Variants in TSPAN18 observed in about 807,000 individuals in gnomAD.
TSPAN18 encodes the protein tetraspanin 18.
TSPAN18 carries 14 observed loss-of-function variants against 27.3 expected under a neutral mutation model. The observed-to-expected ratio is 0.51, with a 90% CI of 0.34 to 0.80. The LOEUF is 0.80. TSPAN18 is among the 30% of genes least tolerant of loss of function. The pLI is 0.01. For synonymous variants in TSPAN18, 143 were observed against 136.5 expected, an observed-to-expected ratio of 1.05 and a Z score of -0.33; for missense variants, 268 against 323.9, an observed-to-expected ratio of 0.83 and a Z score of 1.32.
chr11:44,932,289 C>T lies in TSPAN18; in HGVS notation c.*3111C>T, dbSNP rs1860608885. The T allele has an allele frequency of 6.6e-6, 1 of 152,038 alleles. No individual in the cohort carries two copies. Among genetic ancestry groups the T allele is most frequent in the Non-Finnish European group, 1.5e-5 (1 of 68,006 alleles). 9.4% of individuals were successfully genotyped at this position (152,038 alleles called of 1,614,324 possible). On this transcript the variant is annotated 3_prime_UTR_variant, in exon 10 of 10. Transcript: ENST00000520358. ...TTATCACGTTTCTCTCCTGTGAGACCCCCCTTTTATATGATATATCCAGAG... is the reference window on the plus strand; with the variant it reads ...TTATCACGTTTCTCTCCTGTGAGACTCCCCTTTTATATGATATATCCAGAG...
intron 2 of TSPAN18, among the ~76,000 whole-genome samples, chr11:44,854,941 A>C (rs560533614): frequency 1.2e-4 from 18 of 152,352 alleles, no homozygotes; most frequent in Non-Finnish European, 2.2e-4. Context: ...TTAGTGAGTA[A>C]ACAATTGGAA....
chr11:44,910,814 C>T (rs1029308181), intron 5 of TSPAN18, among the ~76,000 whole-genome samples: 3 of 152,190 alleles, frequency 2.0e-5, no homozygotes, highest in African/African-American at 4.8e-5. Flanking sequence ...GGCAGCCGAG[C>T]CGTGCGGATG....
In TSPAN18 at chr11:44,920,086, G is replaced by A. The variant is rs748439626; in HGVS notation, c.615+87G>A. On this transcript the variant is annotated intron_variant, in intron 8 of 9. Transcript: ENST00000520358. ...GGTGGGAGGCGCTATCACCCCAGAGGGTCTGAAGCTACCCCAGGAATCCCA... is the reference window on the plus strand; with the variant it reads ...GGTGGGAGGCGCTATCACCCCAGAGAGTCTGAAGCTACCCCAGGAATCCCA... 1.9e-5 allele frequency: 25 copies of A among 1,332,936 alleles called. No individual in the cohort carries two copies. The Admixed American group carries it at 2.7e-4, about 15-fold the overall frequency. 82.6% of individuals were successfully genotyped at this position (1,332,936 alleles called of 1,614,324 possible).
chr11:44,926,880 T>A, intron 9 of TSPAN18, 123 bp downstream of exon 9: 1 of 963,580 alleles, frequency 1.0e-6, no homozygotes, highest in Non-Finnish European at 1.6e-6. Context: ...GCCCCCACTG[T>A]GGGTGCTATG....
intron 2 of TSPAN18, among the ~76,000 whole-genome samples, chr11:44,837,859 A>G (rs1056884303): frequency 6.6e-6 from 1 of 152,264 alleles, no homozygotes; most frequent in African/African-American, 2.4e-5. Flanking sequence ...AAACAATGCT[A>G]TTGCACACTT....
chr11:44,834,277 C>T (rs910686892), intron 2 of TSPAN18, among the ~76,000 whole-genome samples: 2 of 152,088 alleles, frequency 1.3e-5, no homozygotes, highest in African/African-American at 4.8e-5. Context: ...CTGCCAGTTC[C>T]TTTCGGCCCC....
At chr11:44,864,491 C>T (rs542191491) in intron 3 of TSPAN18, among the ~76,000 whole-genome samples, 7 of 152,138 alleles carry the variant, frequency 4.6e-5, no homozygotes, top group South Asian at 2.1e-4. Flanking sequence ...TCCCTGCTCT[C>T]GGCAGCTCAG....
intron 2 of TSPAN18, among the ~76,000 whole-genome samples, chr11:44,822,195 A>G (rs1215695224): frequency 6.6e-6 from 1 of 152,086 alleles, no homozygotes; most frequent in East Asian, 1.9e-4. Flanking sequence ...CCCAATTTAA[A>G]TGAACTTTGA....
chr11:44,894,086 G>A (rs1307451104), intron 3 of TSPAN18, among the ~76,000 whole-genome samples: 2 of 152,174 alleles, frequency 1.3e-5, no homozygotes, highest in Non-Finnish European at 2.9e-5. Context: ...TGTTGGTGCC[G>A]GGAGCGCAGG....
intron 2 of TSPAN18, among the ~76,000 whole-genome samples, chr11:44,804,725 A>G (rs1856555137): frequency 6.6e-6 from 1 of 151,732 alleles, no homozygotes. Flanking sequence ...GTCTGGATCT[A>G]AATTTTTCTT....
At chr11:44,926,124 C>T (rs1590705543) in intron 8 of TSPAN18, among the ~76,000 whole-genome samples, 1 of 152,272 alleles carries the variant, frequency 6.6e-6, no homozygotes. Context: ...GATTTGAAGG[C>T]TGGGCTGTGT....
chr11:44,733,943 T>C (rs1854725969), intron 1 of TSPAN18, among the ~76,000 whole-genome samples: 1 of 152,146 alleles, frequency 6.6e-6, no homozygotes, highest in Admixed American at 6.5e-5. Context: ...TGATCTCCAC[T>C]GTTGGAGGTT....
intron 1 of TSPAN18, among the ~76,000 whole-genome samples, chr11:44,749,113 C>A (rs1414422489): frequency 6.6e-6 from 1 of 152,224 alleles, no homozygotes; most frequent in Non-Finnish European, 1.5e-5. Flanking sequence ...TTGACCACCA[C>A]ACCCTGCAGT....
intron 5 of TSPAN18, among the ~76,000 whole-genome samples, chr11:44,912,171 A>G (rs1859745344): frequency 6.6e-6 from 1 of 151,560 alleles, no homozygotes; most frequent in Non-Finnish European, 1.5e-5. Flanking sequence ...ACAGGCACGT[A>G]CTGTCACGCC....
intron 2 of TSPAN18, among the ~76,000 whole-genome samples, chr11:44,797,603 G>A (rs562408578): frequency 1.3e-5 from 2 of 152,268 alleles, no homozygotes; most frequent in South Asian, 2.1e-4. Context: ...TACAGTGAAC[G>A]CCTCCTTGGT....
intron 2 of TSPAN18, among the ~76,000 whole-genome samples, chr11:44,805,748 C>A (rs998188541): frequency 6.6e-6 from 1 of 152,180 alleles, no homozygotes; most frequent in Non-Finnish European, 1.5e-5. Context: ...CCCTCTGAGG[C>A]CTCGAGGGAA....
At chr11:44,789,056 A>G (rs1345734133) in intron 2 of TSPAN18, among the ~76,000 whole-genome samples, 1 of 152,240 alleles carries the variant, frequency 6.6e-6, no homozygotes, top group Non-Finnish European at 1.5e-5. Context: ...CAGCAAGGGA[A>G]GGAAGACTTG....
intron 2 of TSPAN18, among the ~76,000 whole-genome samples, chr11:44,853,361 T>G (rs981926952): frequency 7.9e-5 from 12 of 152,020 alleles, no homozygotes; most frequent in African/African-American, 2.7e-4. Context: ...TGAGTTGTTT[T>G]GGGAAGGGAG....
intron 3 of TSPAN18, among the ~76,000 whole-genome samples, chr11:44,898,436 C>T (rs1417089128): frequency 1.3e-5 from 2 of 152,248 alleles, no homozygotes; most frequent in African/African-American, 4.8e-5. Context: ...TCAGCACTTA[C>T]ACAAACAGTA....
Sources: allele counts gnomAD v4.1 joint callset (sites outside exome capture counted in the v4.1 genomes callset), GRCh38; gene constraint gnomAD v4.1.1; transcripts MANE v1.5; gene names NCBI Gene and HGNC (gene_info 2026-07-23, HGNC 2026-07-21).